The following LUC7L3 variants were observed in gnomAD, a reference collection of about 807,000 sequenced individuals.
LUC7L3 encodes the protein luc7-like protein 3.
A neutral mutation model predicts 66.8 loss-of-function variants in LUC7L3; 6 were observed. The observed-to-expected ratio is 0.09, with a 90% CI of 0.05 to 0.18. The LOEUF (loss-of-function observed/expected upper bound fraction) is 0.18, where lower values mean the gene tolerates loss of function less well. LUC7L3 is among the 10% of genes least tolerant of loss of function. LUC7L3 has a pLI of 1.00. For missense variants in LUC7L3, 341 were observed against 531.1 expected (o/e 0.64, Z 3.52); for synonymous variants, 160 against 174.7 (o/e 0.92, Z 0.66).
chr17:50,746,510 C>G (rs1400450937), intron 8 of LUC7L3, 32 bp from the exon 9 acceptor site: 1 of 1,600,804 alleles, frequency 6.2e-7, no homozygotes, highest in Non-Finnish European at 8.5e-7. Flanking sequence ...GTAATACTGG[C>G]TGAAGTTGCC....
chr17:50,743,614 A>T (rs768187807), intron 5 of LUC7L3, 92 bp from the exon 6 acceptor site: 6 of 767,600 alleles, frequency 7.8e-6, no homozygotes, highest in Non-Finnish European at 1.3e-5. Flanking sequence ...AACAAAAAAG[A>T]TGGAAAACAA....
intron 1 of LUC7L3, among the ~76,000 whole-genome samples, chr17:50,727,329 C>G (rs1969260858): frequency 6.6e-6 from 1 of 152,148 alleles, no homozygotes; most frequent in Admixed American, 6.5e-5. Context: ...TAGCTGGTAC[C>G]TATCTGGTGA....
intron 1 of LUC7L3, among the ~76,000 whole-genome samples, chr17:50,727,275 G>A (rs750090189): frequency 2.6e-5 from 4 of 152,110 alleles, no homozygotes; most frequent in Non-Finnish European, 5.9e-5. Flanking sequence ...ATAAAGAAAA[G>A]AGGTTTATTT....
intron 1 of LUC7L3, among the ~76,000 whole-genome samples, chr17:50,728,158 T>C (rs1240374884): frequency 6.6e-6 from 1 of 151,640 alleles, no homozygotes; most frequent in Non-Finnish European, 1.5e-5. Flanking sequence ...TTGTTGAAAG[T>C]TTAGATTTTA....
chr17:50,728,116 CA>C (rs34210400), intron 1 of LUC7L3, among the ~76,000 whole-genome samples: 72,166 of 127,974 alleles, frequency 0.56, 18,976 homozygotes, highest in Non-Finnish European at 0.61. Flanking sequence ...AGATCTGTCT[CA>C]AAAAAAAAAA....
At chr17:50,730,767 C>A (rs531435322) in intron 1 of LUC7L3, among the ~76,000 whole-genome samples, 2 of 151,934 alleles carry the variant, frequency 1.3e-5, no homozygotes, top group East Asian at 3.9e-4. Context: ...ATGGCTTAAC[C>A]CCCATCTACT....
rs1779000510 is a variant in LUC7L3 at position 50,750,687 on chromosome 17, A to G, written c.*26A>G. 6.2e-7 allele frequency: 1 copy of G among 1,613,910 alleles called. No homozygotes were observed. The highest frequency in any genetic ancestry group is 1.1e-5 in the South Asian group (1 of 91,088). On this transcript the variant is annotated 3_prime_UTR_variant, in exon 10 of 10. Coordinates refer to ENST00000505658, the MANE Select transcript of LUC7L3 (RefSeq NM_016424.5). The stretch of plus-strand genomic sequence containing the variant: ...AACTGATCTGATAAGACCTCAGATC[A>G]GACAGAGGTAAGTGTATTGTTTCTC...
chr17:50,727,593 A>G (rs1322237315), intron 1 of LUC7L3, among the ~76,000 whole-genome samples: 2 of 152,184 alleles, frequency 1.3e-5, no homozygotes, highest in East Asian at 1.9e-4. Flanking sequence ...TGGGATGGAT[A>G]CTCAGGAAAG....
intron 1 of LUC7L3, among the ~76,000 whole-genome samples, chr17:50,720,425 T>G (rs990041576): frequency 1.3e-5 from 2 of 152,242 alleles, no homozygotes; most frequent in Admixed American, 1.3e-4. Context: ...TAAAACTCAT[T>G]TGATGCTCTT....
intron 2 of LUC7L3, among the ~76,000 whole-genome samples, chr17:50,739,389 C>T (rs1970199565): frequency 6.6e-6 from 1 of 152,184 alleles, no homozygotes; most frequent in Non-Finnish European, 1.5e-5. Context: ...ACTAGGCTCA[C>T]ACCTGTAATC....
chr17:50,744,492 C>G (rs1396237224), intron 6 of LUC7L3, among the ~76,000 whole-genome samples, 160 bp from the exon 7 acceptor site: 1 of 152,172 alleles, frequency 6.6e-6, no homozygotes, highest in Non-Finnish European at 1.5e-5. Context: ...TTAAACATCC[C>G]TCTCTAAAAG....
At chr17:50,730,470 G>A (rs1432442277) in intron 1 of LUC7L3, among the ~76,000 whole-genome samples, 1 of 114,856 alleles carries the variant, frequency 8.7e-6, no homozygotes, top group Non-Finnish European at 1.6e-5. Flanking sequence ...AGCCAAGATC[G>A]AACCACTGCA....
At chr17:50,738,443 A>C (rs72839270) in intron 2 of LUC7L3, among the ~76,000 whole-genome samples, 12,892 of 152,300 alleles carry the variant, frequency 0.085, 692 homozygotes, top group Middle Eastern at 0.15. Context: ...ATTGGAGATA[A>C]TGGGGAAAGC....
At position 50,755,232 on chromosome 17, in the gene LUC7L3, TTC is replaced by T. The variant is rs1971089991; in HGVS notation, c.*4575_*4576del. The T allele has an allele frequency of 6.6e-6, 1 of 152,202 alleles. No individual in the cohort carries two copies. The highest frequency in any genetic ancestry group is 2.4e-5 in the African/African-American group (1 of 41,462). The allele number at this position is 152,202 out of a possible 1,614,324, so 9.4% of individuals were successfully genotyped here. A position where few individuals can be genotyped will look rare whatever the true frequency, so the allele number is the denominator to read the frequency against. On this transcript the variant is annotated 3_prime_UTR_variant, in exon 10 of 10. Transcript: ENST00000505658. ...GATCTATGTCTCCTACTACTCCTAT[TTC>T]TCTGTTTTTCCTCTGCAGGAGCTTG... is the stretch of plus-strand genomic sequence containing the variant.
chr17:50,745,164 A>AT (rs990942755), intron 7 of LUC7L3, among the ~76,000 whole-genome samples: 13 of 151,520 alleles, frequency 8.6e-5, no homozygotes, highest in Middle Eastern at 3.4e-3. Flanking sequence ...TGATTTTTGT[A>AT]TTTTTTTTAA....
intron 2 of LUC7L3, chr17:50,737,243 ACTCC>A: frequency 1.5e-6 from 1 of 650,598 alleles, no homozygotes; most frequent in Non-Finnish European, 2.8e-6. Flanking sequence ...GTCTATTTCC[ACTCC>A]CTCCCAAAAC....
At chr17:50,746,757 C>A (rs2143034129) in intron 9 of LUC7L3, 55 bp downstream of exon 9, 1 of 1,501,358 alleles carries the variant, frequency 6.7e-7, no homozygotes, top group Non-Finnish European at 9.1e-7. Context: ...CCTAATCGCC[C>A]CACTCACTTT....
At position 50,733,547 on chromosome 17, in the gene LUC7L3, G is replaced by A. The variant is rs1597908903; in HGVS notation, c.100-3413G>A. On this transcript the variant is annotated intron_variant, in intron 1 of 9. Transcript: ENST00000505658. ...CTCCCGAGTAGCTGGGACTACAGGC[G>A]GCCGCTACCACGCCTGGCTAATTTT... Among the ~76,000 whole-genome samples the A allele has an allele frequency of 6.6e-5, 10 of 151,898 alleles. No homozygotes were observed. The South Asian group carries it at 1.7e-3, about 25-fold the overall frequency.
chr17:50,740,115 G>A (rs1389757654), intron 2 of LUC7L3, among the ~76,000 whole-genome samples, 191 bp from the exon 3 acceptor site: 2 of 151,986 alleles, frequency 1.3e-5, no homozygotes, highest in Admixed American at 6.6e-5. Context: ...TGAAGACTGA[G>A]CAGATCAATT....
Sources: allele counts gnomAD v4.1 joint callset (sites outside exome capture counted in the v4.1 genomes callset), GRCh38; gene constraint gnomAD v4.1.1; transcripts MANE v1.5; gene names NCBI Gene and HGNC (gene_info 2026-07-23, HGNC 2026-07-21).